Variants in HEMK2 observed in about 807,000 individuals in gnomAD.
HEMK2 encodes the protein methyltransferase HEMK2.
At chr21:28,731,185 T>C in the HEMK2 span, among the ~76,000 whole-genome samples, 1 of 152,164 alleles carries the variant, frequency 6.6e-6, no homozygotes, top group Admixed American at 6.5e-5. Context: ...GGAGCATTAG[T>C]AGTAAGTAAT....
the HEMK2 span, among the ~76,000 whole-genome samples, chr21:28,719,544 T>G: frequency 1.3e-5 from 2 of 152,148 alleles, no homozygotes; most frequent in African/African-American, 4.8e-5. Flanking sequence ...GAACTGTGAG[T>G]CCATTGAACC....
chr21:28,874,499 C>T, the HEMK2 span: 1 of 152,216 alleles, frequency 6.6e-6, no homozygotes, highest in Non-Finnish European at 1.5e-5. Context: ...TAGCCTTGGC[C>T]AGGTCAGCCT....
At chr21:28,626,233 T>C in the HEMK2 span, among the ~76,000 whole-genome samples, 1 of 152,164 alleles carries the variant, frequency 6.6e-6, no homozygotes, top group Non-Finnish European at 1.5e-5. Flanking sequence ...TATGCGGTTA[T>C]TGCAATGAGA....
At chr21:28,767,429 A>T in the HEMK2 span, among the ~76,000 whole-genome samples, 1 of 152,040 alleles carries the variant, frequency 6.6e-6, no homozygotes, top group Admixed American at 6.6e-5. Flanking sequence ...AGATTTAAAA[A>T]AAAAAAGAAT....
chr21:28,712,130 G>A, the HEMK2 span, among the ~76,000 whole-genome samples: 1 of 152,072 alleles, frequency 6.6e-6, no homozygotes, highest in Non-Finnish European at 1.5e-5. Flanking sequence ...TTTGCCTTCA[G>A]TTGCACAACT....
At chr21:28,671,954 A>C in the HEMK2 span, among the ~76,000 whole-genome samples, 4 of 152,190 alleles carry the variant, frequency 2.6e-5, no homozygotes, top group African/African-American at 9.6e-5. Context: ...GAAAATTGTG[A>C]AATTCTGTGA....
the HEMK2 span, among the ~76,000 whole-genome samples, chr21:28,729,101 T>C: frequency 2.6e-5 from 4 of 152,230 alleles, no homozygotes; most frequent in African/African-American, 9.7e-5. Context: ...TTATTAATGC[T>C]TTCTGGAAAG....
At chr21:28,613,541 C>T in the HEMK2 span, among the ~76,000 whole-genome samples, 7 of 151,170 alleles carry the variant, frequency 4.6e-5, no homozygotes, top group Non-Finnish European at 1.0e-4. Context: ...TCAAATTACC[C>T]ACCAGCAAAA....
At chr21:28,621,150 T>C in the HEMK2 span, among the ~76,000 whole-genome samples, 126 of 152,318 alleles carry the variant, frequency 8.3e-4, no homozygotes, top group Non-Finnish European at 1.4e-3. Context: ...CTTTTCATTG[T>C]GATGTTAGGG....
chr21:28,618,887 G>T, the HEMK2 span, among the ~76,000 whole-genome samples: 1 of 152,080 alleles, frequency 6.6e-6, no homozygotes, highest in Non-Finnish European at 1.5e-5. Context: ...TACATTGGTC[G>T]TTATGAACTG....
At chr21:28,603,549 ATGTGTGTGTGTGTGTG>A in the HEMK2 span, among the ~76,000 whole-genome samples, 38 of 135,822 alleles carry the variant, frequency 2.8e-4, no homozygotes, top group East Asian at 3.7e-3. Flanking sequence ...GAGGATATAT[ATGTGTGTGTGTGTGTG>A]TGTGTGTGTG....
At chr21:28,712,029 A>G in the HEMK2 span, among the ~76,000 whole-genome samples, 1 of 152,176 alleles carries the variant, frequency 6.6e-6, no homozygotes, top group African/African-American at 2.4e-5. Context: ...ACACATCATA[A>G]TACCATCACC....
chr21:28,578,693 C>T, the HEMK2 span, among the ~76,000 whole-genome samples: 2 of 152,106 alleles, frequency 1.3e-5, no homozygotes, highest in African/African-American at 2.4e-5. Context: ...CAGAAACTGT[C>T]CCTGGTTTCC....
chr21:28,718,727 A>G, the HEMK2 span, among the ~76,000 whole-genome samples: 39 of 152,294 alleles, frequency 2.6e-4, no homozygotes, highest in East Asian at 7.0e-3. Flanking sequence ...ATTTTTCTCA[A>G]TAAAATCAGA....
chr21:28,642,273 G>C, the HEMK2 span, among the ~76,000 whole-genome samples: 1 of 152,202 alleles, frequency 6.6e-6, no homozygotes, highest in East Asian at 1.9e-4. Flanking sequence ...AAGTGATCTT[G>C]AGGTGGGATA....
At chr21:28,738,082 C>T in the HEMK2 span, among the ~76,000 whole-genome samples, 2 of 152,168 alleles carry the variant, frequency 1.3e-5, no homozygotes, top group Non-Finnish European at 2.9e-5. Flanking sequence ...GTGGAGAGCT[C>T]AGAATAGCAA....
chr21:28,868,849 C>T, the HEMK2 span, among the ~76,000 whole-genome samples: 8 of 152,114 alleles, frequency 5.3e-5, no homozygotes, highest in East Asian at 7.7e-4. Context: ...ATTGTTATTA[C>T]AGGCAACCAC....
At chr21:28,800,078 G>A in the HEMK2 span, among the ~76,000 whole-genome samples, 5 of 152,168 alleles carry the variant, frequency 3.3e-5, no homozygotes, top group Non-Finnish European at 1.5e-5. Flanking sequence ...GTGCAATCGT[G>A]CTTTCCAAGA....
At chr21:28,841,338 T>TA in the HEMK2 span, among the ~76,000 whole-genome samples, 2 of 19,078 alleles carry the variant, frequency 1.0e-4, no homozygotes, top group Non-Finnish European at 1.5e-4. Flanking sequence ...TATAAATATA[T>TA]ATTATATATA....
Sources: allele counts gnomAD v4.1 joint callset (sites outside exome capture counted in the v4.1 genomes callset), GRCh38; gene constraint gnomAD v4.1.1; transcripts MANE v1.5; gene names NCBI Gene and HGNC (gene_info 2026-07-23, HGNC 2026-07-21).